The following MBD5 variants were observed in gnomAD, a reference collection of about 807,000 sequenced individuals.
The protein encoded by MBD5 is methyl-CpG-binding domain protein 5.
Under a neutral mutation model 117.3 loss-of-function variants are expected in MBD5, and 13 were observed. That is an observed-to-expected ratio of 0.11 (90% CI 0.07 to 0.18). The LOEUF is 0.18. Ranked by LOEUF, MBD5 falls within the 10% of genes least tolerant of loss-of-function variation. The pLI is 1.00. For missense variants in MBD5, 1,879 were observed against 2,093.8 expected (o/e 0.90, Z 2.00); for synonymous variants, 727 against 766.4 (o/e 0.95, Z 0.85).
At chr2:148,501,265 G>C (rs16828693) in intron 11 of MBD5, among the ~76,000 whole-genome samples, 32,167 of 152,122 alleles carry the variant, frequency 0.21, 5,232 homozygotes, top group African/African-American at 0.46. Flanking sequence ...ATGAGTCAAT[G>C]TTGGGGACAC....
chr2:148,219,086 CAT>C (rs1344495770), intron 2 of MBD5, among the ~76,000 whole-genome samples: 1 of 152,186 alleles, frequency 6.6e-6, no homozygotes, highest in African/African-American at 2.4e-5. Flanking sequence ...AAAGCACAAT[CAT>C]GTACAGCTGT....
At chr2:148,189,467 A>G (rs984808492) in intron 2 of MBD5, among the ~76,000 whole-genome samples, 1 of 135,166 alleles carries the variant, frequency 7.4e-6, no homozygotes, top group African/African-American at 2.8e-5. Context: ...CGAGCAGCCT[A>G]ACTGGGAGGC....
chr2:148,393,083 C>G (rs1024455842), intron 4 of MBD5, among the ~76,000 whole-genome samples: 1 of 151,946 alleles, frequency 6.6e-6, no homozygotes, highest in Non-Finnish European at 1.5e-5. Flanking sequence ...TATTATAGGC[C>G]ATAGGACTTT....
intron 4 of MBD5, among the ~76,000 whole-genome samples, chr2:148,401,217 G>A (rs1704910020): frequency 6.6e-6 from 1 of 152,102 alleles, no homozygotes; most frequent in African/African-American, 2.4e-5. Flanking sequence ...AGCCAAGCTT[G>A]CTTTCACTGC....
chr2:148,153,131 C>G (rs1267310116), intron 1 of MBD5, among the ~76,000 whole-genome samples: 1 of 151,252 alleles, frequency 6.6e-6, no homozygotes, highest in Non-Finnish European at 1.5e-5. Flanking sequence ...TTAGGGCAGG[C>G]CTGGTGGTGA....
At chr2:148,140,022 A>G (rs1008550401) in intron 1 of MBD5, among the ~76,000 whole-genome samples, 3 of 152,242 alleles carry the variant, frequency 2.0e-5, no homozygotes, top group African/African-American at 7.2e-5. Context: ...TCAGTGATAC[A>G]GTGGCCTTAC....
At chr2:148,310,333 C>T (rs894964957) in intron 3 of MBD5, among the ~76,000 whole-genome samples, 1 of 152,026 alleles carries the variant, frequency 6.6e-6, no homozygotes, top group African/African-American at 2.4e-5. Flanking sequence ...CTTGTTATTG[C>T]TCTATTCAGG....
intron 4 of MBD5, among the ~76,000 whole-genome samples, chr2:148,452,032 A>G (rs946141145): frequency 6.6e-6 from 1 of 152,118 alleles, no homozygotes; most frequent in Admixed American, 6.6e-5. Flanking sequence ...TTTTAATAGA[A>G]TTTACTCATA....
chr2:148,304,808 A>C (rs997894700), intron 3 of MBD5, among the ~76,000 whole-genome samples: 1 of 152,170 alleles, frequency 6.6e-6, no homozygotes, highest in African/African-American at 2.4e-5. Context: ...CACGCCTGTA[A>C]TCCCAGCACT....
chr2:148,393,983 T>A (rs1704634881), intron 4 of MBD5, among the ~76,000 whole-genome samples: 1 of 152,166 alleles, frequency 6.6e-6, no homozygotes, highest in East Asian at 1.9e-4. Flanking sequence ...AGGGTAGACA[T>A]TTAGGCAATG....
intron 3 of MBD5, among the ~76,000 whole-genome samples, chr2:148,294,924 C>G (rs1328155879): frequency 1.3e-5 from 2 of 152,186 alleles, no homozygotes; most frequent in African/African-American, 2.4e-5. Flanking sequence ...AGCCACTGAT[C>G]TTTTTGAGCT....
chr2:148,362,984 G>A lies in MBD5; in HGVS notation c.-557+20648G>A, dbSNP rs150719012. On this transcript the variant is annotated intron_variant, in intron 4 of 13. Transcript: ENST00000642680. ...ATCCATTCAGAGACCCCATCTGAAG[G>A]TCACCAACACAAAGACCAAAGGTAG... 9.0e-3 allele frequency among the ~76,000 whole-genome samples: 1,366 copies of A among 152,226 alleles called. 22 individuals carry two copies. Among genetic ancestry groups the A allele is most frequent in the African/African-American group, 0.032 (1,311 of 41,532 alleles).
At chr2:148,384,449 A>T (rs888603763) in intron 4 of MBD5, among the ~76,000 whole-genome samples, 1 of 152,196 alleles carries the variant, frequency 6.6e-6, no homozygotes, top group Admixed American at 6.5e-5. Flanking sequence ...CCACTGCTCA[A>T]TGAAATAAAA....
intron 3 of MBD5, among the ~76,000 whole-genome samples, chr2:148,336,428 C>A (rs1702789720): frequency 6.6e-6 from 1 of 152,066 alleles, no homozygotes; most frequent in Non-Finnish European, 1.5e-5. Flanking sequence ...GCTCTGTTGC[C>A]CACACAGGAG....
At chr2:148,314,874 G>A (rs1011270434) in intron 3 of MBD5, among the ~76,000 whole-genome samples, 1 of 152,096 alleles carries the variant, frequency 6.6e-6, no homozygotes, top group Non-Finnish European at 1.5e-5. Flanking sequence ...GGTTATTTTA[G>A]GGATGGTTAT....
At chr2:148,095,861 T>A (rs1047423484) in intron 1 of MBD5, among the ~76,000 whole-genome samples, 2 of 152,042 alleles carry the variant, frequency 1.3e-5, no homozygotes, top group African/African-American at 4.8e-5. Context: ...AAAGCCACCT[T>A]AAACCATCTT....
At chr2:148,222,755 GC>G (rs1381324785) in intron 2 of MBD5, among the ~76,000 whole-genome samples, 4 of 151,922 alleles carry the variant, frequency 2.6e-5, no homozygotes, top group African/African-American at 9.7e-5. Context: ...CAATTTAGAT[GC>G]CCTTTATTTC....
chr2:148,446,658 C>G (rs1706541009), intron 4 of MBD5, among the ~76,000 whole-genome samples: 1 of 145,898 alleles, frequency 6.9e-6, no homozygotes, highest in South Asian at 2.2e-4. Context: ...AGCTTGCTAT[C>G]CGAGTAAGTA....
intron 4 of MBD5, among the ~76,000 whole-genome samples, chr2:148,354,291 G>T (rs778740127): frequency 1.6e-4 from 24 of 151,294 alleles, no homozygotes; most frequent in Non-Finnish European, 3.4e-4. Flanking sequence ...ACAGGCCCCA[G>T]TGTGTGATGT....
Sources: allele counts gnomAD v4.1 joint callset (sites outside exome capture counted in the v4.1 genomes callset), GRCh38; gene constraint gnomAD v4.1.1; transcripts MANE v1.5; gene names NCBI Gene and HGNC (gene_info 2026-07-23, HGNC 2026-07-21).